The following FOXJ3 variants were observed in gnomAD, a reference collection of about 807,000 sequenced individuals.
The protein encoded by FOXJ3 is forkhead box J3.
A neutral mutation model predicts 76.1 loss-of-function variants in FOXJ3; 22 were observed. The ratio of observed to expected loss-of-function variants is 0.29; its 90% confidence interval spans 0.21 to 0.41. The LOEUF is 0.41. Among genes scored for constraint, FOXJ3 ranks in the 10% least tolerant of loss-of-function variants. The pLI is 1.00. For missense variants in FOXJ3, 613 were observed against 762.1 expected, an observed-to-expected ratio of 0.80 and a Z score of 2.30; for synonymous variants, 269 against 261.2, an observed-to-expected ratio of 1.03 and a Z score of -0.29.
intron 4 of FOXJ3, among the ~76,000 whole-genome samples, chr1:42,237,717 T>C (rs998304456): frequency 4.0e-5 from 6 of 151,886 alleles, no homozygotes; most frequent in African/African-American, 1.2e-4. Flanking sequence ...ATAGCAAATA[T>C]ATTCTCCATT....
intron 4 of FOXJ3, among the ~76,000 whole-genome samples, chr1:42,252,035 T>C (rs190974148): frequency 1.3e-5 from 2 of 152,288 alleles, no homozygotes; most frequent in Non-Finnish European, 2.9e-5. Flanking sequence ...AGTATTTTAT[T>C]GAGGATTTTT....
intron 11 of FOXJ3, among the ~76,000 whole-genome samples, chr1:42,183,303 C>T (rs185810872): frequency 0.021 from 220 of 10,426 alleles, 3 homozygotes; most frequent in African/African-American, 0.076. Context: ...GGGGGCGGGG[C>T]GGGGTGGGGG....
chr1:42,185,937 G>A (rs569221738), intron 11 of FOXJ3, among the ~76,000 whole-genome samples: 4 of 151,114 alleles, frequency 2.6e-5, no homozygotes, highest in Non-Finnish European at 4.4e-5. Flanking sequence ...TTAAGGAAAT[G>A]GAGAGACTAT....
chr1:42,228,592 A>G (rs1044810141), intron 4 of FOXJ3, among the ~76,000 whole-genome samples: 6 of 152,078 alleles, frequency 3.9e-5, no homozygotes, highest in African/African-American at 1.4e-4. Flanking sequence ...ACTTTGGAAA[A>G]GCATAGATCC....
At chr1:42,323,765 A>T in intron 1 of FOXJ3, 41 of 749,166 alleles carry the variant, frequency 5.5e-5, no homozygotes, top group Non-Finnish European at 6.3e-5. Context: ...TCACCTTCAA[A>T]TAATTGAAGG....
chr1:42,213,538 C>G (rs1203320208), intron 5 of FOXJ3, among the ~76,000 whole-genome samples: 1 of 150,034 alleles, frequency 6.7e-6, no homozygotes, highest in Non-Finnish European at 1.5e-5. Flanking sequence ...ATATAACAAA[C>G]CTAAATATAC....
chr1:42,303,938 G>T (rs940988393), intron 2 of FOXJ3, among the ~76,000 whole-genome samples: 2 of 151,840 alleles, frequency 1.3e-5, no homozygotes, highest in African/African-American at 4.8e-5. Flanking sequence ...TCGGACAAGA[G>T]AAAAAAATAA....
At chr1:42,201,499 T>C (rs1646764298) in intron 6 of FOXJ3, among the ~76,000 whole-genome samples, 1 of 152,232 alleles carries the variant, frequency 6.6e-6, no homozygotes, top group African/African-American at 2.4e-5. Context: ...AGTATACATG[T>C]AGCACTTCCA....
rs1553170579 is a variant in FOXJ3 at position 42,324,103 on chromosome 1, T to TATATACACAGTCTATATATA, written c.-18+10955_-18+10956insTATATATAGACTGTGTATAT. Among the ~76,000 whole-genome samples the TATATACACAGTCTATATATA allele has an allele frequency of 2.3e-5, 2 of 88,342 alleles. 1 individual carries two copies. The highest frequency in any genetic ancestry group is 4.2e-5 in the Non-Finnish European group (2 of 47,072). The allele number at this position is 88,342 out of a possible 152,430, so 58.0% of individuals were successfully genotyped here. ...TAGTATATATACTGTATATATACTG[T>TATATACACAGTCTATATATA]GTATATACACTGTATATACACAGTG... is the stretch of plus-strand genomic sequence containing the variant. On this transcript the variant is annotated intron_variant, in intron 1 of 12. Coordinates refer to ENST00000361346, the MANE Select transcript of FOXJ3 (RefSeq NM_014947.5).
chr1:42,248,876 T>C (rs551122301), intron 4 of FOXJ3, among the ~76,000 whole-genome samples: 45 of 152,100 alleles, frequency 3.0e-4, no homozygotes, highest in Non-Finnish European at 5.9e-4. Flanking sequence ...ATATTAGCTA[T>C]TTGTCCTGAT....
chr1:42,177,930 G>A lies in FOXJ3; in HGVS notation c.*1780C>T, dbSNP rs936541246. 1 of 152,506 alleles carries A rather than the reference G, an allele frequency of 6.6e-6. No homozygotes were observed. The highest frequency in any genetic ancestry group is 1.5e-5 in the Non-Finnish European group (1 of 68,034). 9.4% of individuals were successfully genotyped at this position (152,506 alleles called of 1,614,324 possible). A position where few individuals can be genotyped will look rare whatever the true frequency, so the allele number is the denominator to read the frequency against. On this transcript the variant is annotated 3_prime_UTR_variant, in exon 13 of 13. Coordinates refer to ENST00000361346, the MANE Select transcript of FOXJ3 (RefSeq NM_014947.5). ...GATGCTAAAAAGCAACTAGTGAGCA[G>A]TTATTACTCTTTGACTTGATGGAAT...
chr1:42,316,791 A>C (rs1026519843), intron 1 of FOXJ3, among the ~76,000 whole-genome samples: 1 of 152,158 alleles, frequency 6.6e-6, no homozygotes, highest in Non-Finnish European at 1.5e-5. Flanking sequence ...AAACCAAACG[A>C]TGTATGTTCT....
intron 5 of FOXJ3, among the ~76,000 whole-genome samples, chr1:42,216,830 T>A (rs1647079399): frequency 6.6e-6 from 1 of 151,396 alleles, no homozygotes; most frequent in Admixed American, 6.6e-5. Context: ...CTAAAATATA[T>A]CCAAAATAAT....
intron 2 of FOXJ3, among the ~76,000 whole-genome samples, chr1:42,309,802 C>T (rs916059235): frequency 6.6e-6 from 1 of 152,186 alleles, no homozygotes; most frequent in African/African-American, 2.4e-5. Context: ...CTGGGAACCA[C>T]GACAATCCCT....
chr1:42,331,823 C>A (rs568975831), intron 1 of FOXJ3, among the ~76,000 whole-genome samples: 2 of 148,552 alleles, frequency 1.3e-5, no homozygotes, highest in East Asian at 2.0e-4. Flanking sequence ...TTCAAGAAAG[C>A]TTTTTTAAAA....
intron 4 of FOXJ3, among the ~76,000 whole-genome samples, chr1:42,235,708 G>A (rs564067111): frequency 2.0e-5 from 3 of 151,936 alleles, no homozygotes; most frequent in Admixed American, 1.3e-4. Flanking sequence ...GATTACAGGC[G>A]CCCGCCACCA....
At chr1:42,181,271 G>C (rs949488594) in intron 12 of FOXJ3, among the ~76,000 whole-genome samples, 5 of 152,198 alleles carry the variant, frequency 3.3e-5, no homozygotes, top group African/African-American at 1.2e-4. Context: ...TGATCTTTAA[G>C]ATACTTTCCA....
intron 2 of FOXJ3, among the ~76,000 whole-genome samples, chr1:42,288,016 C>G (rs558079524): frequency 3.3e-5 from 5 of 152,152 alleles, no homozygotes; most frequent in African/African-American, 1.2e-4. Flanking sequence ...ACCTAAGGAT[C>G]ATATATGGTC....
intron 4 of FOXJ3, among the ~76,000 whole-genome samples, chr1:42,232,113 A>G (rs1648196352): frequency 6.6e-6 from 1 of 152,200 alleles, no homozygotes; most frequent in African/African-American, 2.4e-5. Flanking sequence ...CCATGTCCCT[A>G]AAAAGGACAT....
Sources: allele counts gnomAD v4.1 joint callset (sites outside exome capture counted in the v4.1 genomes callset), GRCh38; gene constraint gnomAD v4.1.1; transcripts MANE v1.5; gene names NCBI Gene and HGNC (gene_info 2026-07-23, HGNC 2026-07-21).